The following SMPD3 variants were observed in gnomAD, a reference collection of about 807,000 sequenced individuals.
The protein encoded by SMPD3 is nSMase-2.
A neutral mutation model predicts 55.7 loss-of-function variants in SMPD3; 21 were observed. The ratio of observed to expected loss-of-function variants is 0.38; its 90% CI spans 0.27 to 0.54. The LOEUF (loss-of-function observed/expected upper bound fraction) is 0.54, where lower values mean the gene tolerates loss of function less well. Among genes scored for constraint, SMPD3 ranks in the 20% least tolerant of loss-of-function variants. The probability of loss-of-function intolerance (pLI) is 0.80; values close to 1 mark genes in which losing one functional copy is unlikely to be tolerated. For missense variants in SMPD3, 842 were observed against 899.6 expected, an observed-to-expected ratio of 0.94 and a Z score of 0.82; for synonymous variants, 457 against 404.3, an observed-to-expected ratio of 1.13 and a Z score of -1.56.
In SMPD3 at chr16:68,372,098, G is replaced by C; in HGVS notation, c.84C>G (p.Tyr28Ter). ...CVSWALIFPCYWLVDRLAASF... is the reference protein window; with the variant it reads ...CVSWALIFPC ...AGGCAGCGAGCCGGTCCACCAGCCAGTAGCATGGAAAGATAAGGGCCCAGG... is the reference window on the plus strand; with the variant it reads ...AGGCAGCGAGCCGGTCCACCAGCCACTAGCATGGAAAGATAAGGGCCCAGG... Residue 28 changes from tyrosine (Y) to a stop codon, truncating the protein, a stop_gained, in exon 3 of 9, where the codon TAC becomes TAG. Coordinates refer to ENST00000219334, the MANE Select transcript of SMPD3 (RefSeq NM_018667.4). LOFTEE classifies it high-confidence loss of function. 6.2e-7 allele frequency: 1 copy of C among 1,612,642 alleles called. No individual in the cohort carries two copies. The highest frequency in any genetic ancestry group is 8.5e-7 in the Non-Finnish European group (1 of 1,179,474).
intron 1 of SMPD3, among the ~76,000 whole-genome samples, chr16:68,433,101 G>A (rs1174555046): frequency 2.0e-5 from 3 of 152,172 alleles, no homozygotes; most frequent in African/African-American, 7.2e-5. Context: ...ACCATGCCCG[G>A]CTGTTGTTTT....
At position 68,362,604 on chromosome 16, in the gene SMPD3, C is replaced by T. The variant is rs539098980; in HGVS notation, c.1710-845G>A. ...CAGTGGTGAGAGACCCTGCAAAGGC[C>T]GCCAGGTCTGTGAGTGCCTGGACGG... On this transcript the variant is annotated intron_variant, in intron 7 of 8. Transcript: ENST00000219334. Among the ~76,000 whole-genome samples the T allele has an allele frequency of 9.2e-5, 14 of 152,332 alleles. No homozygotes were observed. The South Asian group carries it at 1.7e-3, about 18-fold the overall frequency.
At chr16:68,376,241 G>T (rs1488620685) in intron 2 of SMPD3, among the ~76,000 whole-genome samples, 3 of 152,364 alleles carry the variant, frequency 2.0e-5, no homozygotes, top group South Asian at 2.1e-4. Context: ...GGTGGCCAAG[G>T]CAGGACATGC....
chr16:68,446,542 C>T (rs995263683), intron 1 of SMPD3, among the ~76,000 whole-genome samples: 1 of 151,978 alleles, frequency 6.6e-6, no homozygotes, highest in African/African-American at 2.4e-5. Context: ...CAAGCTCTGG[C>T]CGTGCCACAC....
rs542101683 is a variant in SMPD3, at chr16:68,434,119, T to C, written c.-269+14234A>G. ...TGTTGCAGGCATGAATTTATGGCTT[T>C]TAAAACATGGCAAACATCATTCAGA... is the stretch of plus-strand genomic sequence containing the variant. On this transcript the variant is annotated intron_variant, in intron 1 of 8. Transcript: ENST00000219334. Among the ~76,000 whole-genome samples the C allele has an allele frequency of 2.6e-5, 4 of 152,350 alleles. No homozygotes were observed. The South Asian group carries it at 8.3e-4, about 32-fold the overall frequency.
At position 68,359,530 on chromosome 16, in the gene SMPD3, A is replaced by G. The variant is rs1322186938; in HGVS notation, c.*1676T>C. 1 of 152,762 alleles carries G rather than the reference A, an allele frequency of 6.5e-6. No homozygotes were observed. The highest frequency in any genetic ancestry group is 1.5e-5 in the Non-Finnish European group (1 of 68,106). 9.5% of individuals were successfully genotyped at this position (152,762 alleles called of 1,614,324 possible). The stretch of plus-strand genomic sequence containing the variant: ...TGTCTGCCCCAGCACAGGGCCAGGC[A>G]TCTGGCTGGCTGCGTGGCCCCCTCT... On this transcript the variant is annotated 3_prime_UTR_variant, in exon 9 of 9. Transcript: ENST00000219334.
Position 68,371,132 on chromosome 16 carries a change from G to A in SMPD3, c.1050C>T (p.Ser350=), listed in dbSNP as rs767972672. Residue 350 remains serine, a synonymous_variant, in exon 3 of 9, where the codon TCC becomes TCT. Transcript: ENST00000219334. Reference sequence around the variant, plus strand: ...AGTCCAGGTTGGCGGGGAAGAAGGCGGAGACCTCATGGTCGAAGGCCTCGT... The same window carrying A: ...AGTCCAGGTTGGCGGGGAAGAAGGCAGAGACCTCATGGTCGAAGGCCTCGT... ...HPDEAFDHEV[S]AFFPANLDFL... The A allele has an allele frequency of 2.0e-5, 33 of 1,613,804 alleles. No individual in the cohort carries two copies. The highest frequency in any genetic ancestry group is 8.0e-5 in the African/African-American group (6 of 74,926).
chr16:68,399,447 G>C (rs2090188209), intron 1 of SMPD3, among the ~76,000 whole-genome samples: 1 of 152,200 alleles, frequency 6.6e-6, no homozygotes, highest in African/African-American at 2.4e-5. Flanking sequence ...TGGATGTAAA[G>C]AGAACAACTC....
intron 3 of SMPD3, 52 bp downstream of exon 3, chr16:68,370,807 G>A: frequency 6.2e-7 from 1 of 1,600,986 alleles, no homozygotes; most frequent in Non-Finnish European, 8.5e-7. Flanking sequence ...CTGCCTACAT[G>A]GCTCTAGGAC....
rs776617074 is a variant in SMPD3, at chr16:68,371,050, G to A, written c.1132C>T (p.Leu378=). 1.2e-6 allele frequency: 2 copies of A among 1,614,226 alleles called. No individual in the cohort carries two copies. Among genetic ancestry groups the A allele is most frequent in the Non-Finnish European group, 1.7e-6 (2 of 1,180,040 alleles). The change falls in exon 3 of 9, where the codon CTG becomes TTG. Residue 378 remains leucine, a synonymous_variant. Coordinates refer to ENST00000219334, the MANE Select transcript of SMPD3 (RefSeq NM_018667.4). ...AGGATGTACTCGAAGTAGCCGTGCAGCTGCTCTTTCAATTTGGTGGCTGCT... is the reference window on the plus strand; with the variant it reads ...AGGATGTACTCGAAGTAGCCGTGCAACTGCTCTTTCAATTTGGTGGCTGCT... ...KRAATKLKEQ[L]HGYFEYILYD...
At chr16:68,442,211 G>A (rs764161297) in intron 1 of SMPD3, among the ~76,000 whole-genome samples, 6 of 152,184 alleles carry the variant, frequency 3.9e-5, no homozygotes, top group African/African-American at 4.8e-5. Context: ...AAAAATCTGG[G>A]TTCTAAGCCC....
intron 3 of SMPD3, chr16:68,368,520 A>C (rs1203511295): frequency 1.3e-5 from 2 of 152,948 alleles, no homozygotes; most frequent in African/African-American, 4.8e-5. Context: ...GGCCATCTGG[A>C]AAGTGAGCTA....
intron 1 of SMPD3, among the ~76,000 whole-genome samples, chr16:68,403,016 T>G (rs1876440779): frequency 6.6e-6 from 1 of 152,234 alleles, no homozygotes; most frequent in Non-Finnish European, 1.5e-5. Flanking sequence ...TGTGTCAGGG[T>G]GCAGCACAGA....
At chr16:68,387,092 C>G (rs985256256) in intron 1 of SMPD3, among the ~76,000 whole-genome samples, 11 of 152,052 alleles carry the variant, frequency 7.2e-5, no homozygotes, top group African/African-American at 2.7e-4. Flanking sequence ...GCTTTGGGAG[C>G]TTTGTGCAAT....
At chr16:68,406,113 T>G (rs1020408872) in intron 1 of SMPD3, among the ~76,000 whole-genome samples, 1 of 151,438 alleles carries the variant, frequency 6.6e-6, no homozygotes, top group Non-Finnish European at 1.5e-5. Context: ...TCTGCCAGTC[T>G]TTCCCGTGGG....
At chr16:68,435,104 G>C (rs1047553862) in intron 1 of SMPD3, among the ~76,000 whole-genome samples, 7 of 143,066 alleles carry the variant, frequency 4.9e-5, no homozygotes, top group Admixed American at 2.2e-4. Flanking sequence ...CTTCCTTTTG[G>C]CTCCACTGGC....
intron 3 of SMPD3, chr16:68,370,314 T>G (rs1597601969): frequency 6.5e-6 from 1 of 153,264 alleles, no homozygotes; most frequent in Non-Finnish European, 1.5e-5. Context: ...GAGGGAGGGG[T>G]GTCCAGGCCA....
At position 68,359,397 on chromosome 16, in the gene SMPD3, CAGGGCTTGGG is replaced by C. The variant is rs1385592665; in HGVS notation, c.*1799_*1808del. ...TTCCTGGCTCTGGACTCTGGAGGGG[CAGGGCTTGGG>C]CCCGGGCAGACGGTGCTTCCCAGGC... is the stretch of plus-strand genomic sequence containing the variant. On this transcript the variant is annotated 3_prime_UTR_variant, in exon 9 of 9. Transcript: ENST00000219334. 1 of 152,642 alleles carries C rather than the reference CAGGGCTTGGG, an allele frequency of 6.6e-6. No individual in the cohort carries two copies. 9.5% of individuals were successfully genotyped at this position (152,642 alleles called of 1,614,324 possible).
At chr16:68,386,208 G>A (rs1004431009) in intron 2 of SMPD3, among the ~76,000 whole-genome samples, 2 of 150,344 alleles carry the variant, frequency 1.3e-5, no homozygotes, top group African/African-American at 2.5e-5. Context: ...AGAGACAGAC[G>A]GGTCTCAAAA....
Sources: allele counts gnomAD v4.1 joint callset (sites outside exome capture counted in the v4.1 genomes callset), GRCh38; gene constraint gnomAD v4.1.1; transcripts MANE v1.5; gene names NCBI Gene and HGNC (gene_info 2026-07-23, HGNC 2026-07-21).